Variants in OTUD7A observed in about 807,000 individuals in gnomAD.
OTUD7A encodes the protein OTU domain-containing protein 7A.
A neutral mutation model predicts 65.7 loss-of-function variants in OTUD7A; 12 were observed. The observed-to-expected ratio is 0.18, with a 90% confidence interval of 0.12 to 0.30. The LOEUF (loss-of-function observed/expected upper bound fraction) is 0.30, where lower values mean the gene tolerates loss of function less well. Among genes scored for constraint, OTUD7A ranks in the 10% least tolerant of loss-of-function variants. The pLI is 1.00. For missense variants in OTUD7A, 1,148 were observed against 1,304.8 expected, an observed-to-expected ratio of 0.88 and a Z score of 1.85; for synonymous variants, 641 against 586.3, an observed-to-expected ratio of 1.09 and a Z score of -1.35.
chr15:31,660,927 C>G (rs530298878), intron 1 of OTUD7A, among the ~76,000 whole-genome samples: 2 of 152,204 alleles, frequency 1.3e-5, no homozygotes, highest in Non-Finnish European at 1.5e-5. Flanking sequence ...GTACCTGAGG[C>G]TCGGAGAAGG....
intron 1 of OTUD7A, among the ~76,000 whole-genome samples, chr15:31,660,423 CA>C (rs1892129677): frequency 6.6e-6 from 1 of 152,238 alleles, no homozygotes; most frequent in Non-Finnish European, 1.5e-5. Flanking sequence ...AGAGCATCTT[CA>C]CGGTTTAGAT....
chr15:31,772,047 T>TA (rs1895249420), intron 1 of OTUD7A, among the ~76,000 whole-genome samples: 1 of 151,718 alleles, frequency 6.6e-6, no homozygotes, highest in Non-Finnish European at 1.5e-5. Flanking sequence ...GGTCAGGAGA[T>TA]CGAGACCATC....
chr15:31,645,444 C>T (rs1040330584), intron 3 of OTUD7A, among the ~76,000 whole-genome samples: 3 of 152,270 alleles, frequency 2.0e-5, no homozygotes, highest in South Asian at 4.2e-4. Flanking sequence ...CATCTACTAT[C>T]CAGGTTTAAT....
At chr15:31,726,347 G>GCGCA (rs1555411164) in intron 1 of OTUD7A, among the ~76,000 whole-genome samples, 2 of 149,814 alleles carry the variant, frequency 1.3e-5, no homozygotes, top group Non-Finnish European at 3.0e-5. Flanking sequence ...ACACACACAC[G>GCGCA]CACACACACA....
At chr15:31,670,074 T>A (rs1892441582) in intron 1 of OTUD7A, among the ~76,000 whole-genome samples, 1 of 146,584 alleles carries the variant, frequency 6.8e-6, no homozygotes, top group South Asian at 2.2e-4. Flanking sequence ...TGGTTTGTTC[T>A]TGCAGTCGAT....
intron 1 of OTUD7A, among the ~76,000 whole-genome samples, chr15:31,833,155 G>A (rs1364478635): frequency 6.6e-6 from 1 of 152,174 alleles, no homozygotes; most frequent in African/African-American, 2.4e-5. Context: ...ACAAGCCTAT[G>A]CTCCTTTCCC....
intron 10 of OTUD7A, among the ~76,000 whole-genome samples, chr15:31,495,408 G>A (rs191214722): frequency 3.3e-5 from 5 of 152,280 alleles, no homozygotes; most frequent in African/African-American, 1.2e-4. Context: ...ATAGCTCCTG[G>A]CCACCTCATG....
chr15:31,598,444 A>C (rs1386928875), intron 3 of OTUD7A, among the ~76,000 whole-genome samples: 1 of 152,110 alleles, frequency 6.6e-6, no homozygotes, highest in East Asian at 1.9e-4. Flanking sequence ...TGAGGGACTG[A>C]GCCTGAGGAA....
intron 1 of OTUD7A, among the ~76,000 whole-genome samples, chr15:31,866,850 C>A (rs1194599352): frequency 6.6e-6 from 1 of 152,168 alleles, no homozygotes; most frequent in East Asian, 1.9e-4. Context: ...CCATTTGCCC[C>A]CTTGAAATCA....
At chr15:31,605,494 G>C (rs1890213869) in intron 3 of OTUD7A, among the ~76,000 whole-genome samples, 1 of 152,174 alleles carries the variant, frequency 6.6e-6, no homozygotes, top group South Asian at 2.1e-4. Flanking sequence ...GGTGGCCTCT[G>C]GGCCTGCATC....
chr15:31,589,940 T>C (rs1158418258), intron 3 of OTUD7A, among the ~76,000 whole-genome samples: 1 of 152,158 alleles, frequency 6.6e-6, no homozygotes, highest in Non-Finnish European at 1.5e-5. Flanking sequence ...ATAATAATTT[T>C]GGGAAAAAAA....
intron 8 of OTUD7A, among the ~76,000 whole-genome samples, chr15:31,524,518 G>A (rs1009175554): frequency 1.3e-5 from 2 of 151,750 alleles, no homozygotes; most frequent in African/African-American, 2.4e-5. Context: ...GCCCTCTTAT[G>A]GTCTCCCCGA....
rs76430629 is a variant in OTUD7A at position 31,797,297 on chromosome 15, C to T, written c.-100+73210G>A. On this transcript the variant is annotated intron_variant, in intron 1 of 12. Transcript: ENST00000307050. The stretch of plus-strand genomic sequence containing the variant: ...GGCTGAGTGATCTTTTTTTATGTAT[C>T]TTGGTCACAAAACAGAACACAAACC... Among the ~76,000 whole-genome samples the T allele has an allele frequency of 3.5e-3, 528 of 152,250 alleles. 4 individuals carry two copies. Among genetic ancestry groups the T allele is most frequent in the Non-Finnish European group, 6.5e-3 (445 of 67,998 alleles).
At chr15:31,536,341 C>T (rs1406701292) in intron 5 of OTUD7A, among the ~76,000 whole-genome samples, 1 of 152,164 alleles carries the variant, frequency 6.6e-6, no homozygotes, top group African/African-American at 2.4e-5. Context: ...TTGCTTCAAG[C>T]TTATGAGTGG....
chr15:31,532,136 A>T (rs1173290558), intron 5 of OTUD7A, among the ~76,000 whole-genome samples: 1 of 152,198 alleles, frequency 6.6e-6, no homozygotes, highest in East Asian at 1.9e-4. Context: ...AAACAAAAAA[A>T]ATCACTTATA....
intron 1 of OTUD7A, among the ~76,000 whole-genome samples, chr15:31,734,911 T>C (rs1320933529): frequency 6.6e-6 from 1 of 151,950 alleles, no homozygotes; most frequent in African/African-American, 2.4e-5. Context: ...AAATGGGATC[T>C]AATTAAAGAG....
intron 1 of OTUD7A, among the ~76,000 whole-genome samples, chr15:31,778,136 G>A (rs191268961): frequency 3.0e-4 from 45 of 152,230 alleles, no homozygotes; most frequent in African/African-American, 9.9e-4. Context: ...GTAATTCTAA[G>A]GACAAGAGCC....
At chr15:31,588,712 C>T (rs1889622006) in intron 3 of OTUD7A, among the ~76,000 whole-genome samples, 1 of 152,206 alleles carries the variant, frequency 6.6e-6, no homozygotes, top group African/African-American at 2.4e-5. Context: ...CCGCTCCACA[C>T]ACTCATCCAG....
At chr15:31,833,979 G>A (rs922825067) in intron 1 of OTUD7A, among the ~76,000 whole-genome samples, 1 of 152,220 alleles carries the variant, frequency 6.6e-6, no homozygotes, top group Non-Finnish European at 1.5e-5. Context: ...CCTTTCTAAT[G>A]AAACAGGGAG....
Sources: allele counts gnomAD v4.1 joint callset (sites outside exome capture counted in the v4.1 genomes callset), GRCh38; gene constraint gnomAD v4.1.1; transcripts MANE v1.5; gene names NCBI Gene and HGNC (gene_info 2026-07-23, HGNC 2026-07-21).